Variants in THSD4 observed in about 807,000 individuals in gnomAD.
THSD4 encodes the protein thrombospondin type 1 domain containing 4, also known as thrombospondin type-1 domain-containing protein 4.
Under a neutral mutation model 119.0 loss-of-function variants are expected in THSD4, and 69 were observed. The ratio of observed to expected loss-of-function variants is 0.58; its 90% CI spans 0.48 to 0.71. The LOEUF (loss-of-function observed/expected upper bound fraction) is 0.71, where lower values mean the gene tolerates loss of function less well. Ranked by LOEUF, THSD4 falls within the 30% of genes least tolerant of loss-of-function variation. THSD4 has a pLI of 0.00. For synonymous variants in THSD4, 524 were observed against 540.4 expected (o/e 0.97, Z 0.42); for missense variants, 1,393 against 1,391.1 (o/e 1.00, Z -0.02).
At chr15:71,364,894 A>C (rs1362804259) in intron 6 of THSD4, among the ~76,000 whole-genome samples, 1 of 152,136 alleles carries the variant, frequency 6.6e-6, no homozygotes, top group Non-Finnish European at 1.5e-5. Flanking sequence ...CATGTGAATT[A>C]ATGGTTTTTT....
intron 6 of THSD4, among the ~76,000 whole-genome samples, chr15:71,291,064 C>G (rs2044785635): frequency 6.6e-6 from 1 of 151,946 alleles, no homozygotes; most frequent in African/African-American, 2.4e-5. Context: ...TAGGATATTC[C>G]TTCTTGACTT....
At chr15:71,350,847 G>A (rs1222847404) in intron 6 of THSD4, among the ~76,000 whole-genome samples, 2 of 152,132 alleles carry the variant, frequency 1.3e-5, no homozygotes, top group East Asian at 1.9e-4. Flanking sequence ...GGCAAACCAC[G>A]TGGCCACACT....
Position 71,360,922 on chromosome 15 carries a change from C to T in THSD4, c.1016-50765C>T, listed in dbSNP as rs1159207312. Reference sequence around the variant, plus strand: ...TTTTAATGGAAGTTTGCATATGATCCCATTGAAGCATAGTAGAGAGGTATA... The same window carrying T: ...TTTTAATGGAAGTTTGCATATGATCTCATTGAAGCATAGTAGAGAGGTATA... On this transcript the variant is annotated intron_variant, in intron 6 of 17. Transcript: ENST00000261862. 5.3e-5 allele frequency among the ~76,000 whole-genome samples: 8 copies of T among 152,070 alleles called. No individual in the cohort carries two copies. In the East Asian group the frequency reaches 1.5e-3, roughly 29 times the overall value.
chr15:71,379,761 A>G (rs144048705), intron 6 of THSD4, among the ~76,000 whole-genome samples: 5 of 151,946 alleles, frequency 3.3e-5, no homozygotes, highest in Admixed American at 6.6e-5. Flanking sequence ...CCCGGCCACA[A>G]ATGGCTTCTT....
At chr15:71,464,605 G>T (rs2047474569) in intron 7 of THSD4, among the ~76,000 whole-genome samples, 1 of 152,146 alleles carries the variant, frequency 6.6e-6, no homozygotes, top group Non-Finnish European at 1.5e-5. Context: ...TAGGGCTTTG[G>T]TACTTTTACC....
intron 6 of THSD4, among the ~76,000 whole-genome samples, chr15:71,393,623 G>A (rs2046405904): frequency 1.3e-5 from 2 of 152,060 alleles, no homozygotes; most frequent in South Asian, 4.1e-4. Flanking sequence ...TGTTTTGAAA[G>A]CTCCTGGGTG....
Position 71,129,469 on chromosome 15 carries a change from A to G in THSD4, c.-79-11980A>G, listed in dbSNP as rs543303327. Among the ~76,000 whole-genome samples, 277 of 152,344 alleles carry G rather than the reference A, an allele frequency of 1.8e-3. 1 individual carries two copies. The highest frequency in any genetic ancestry group is 3.7e-3 in the South Asian group (18 of 4,830). On this transcript the variant is annotated intron_variant, in intron 1 of 17. Transcript: ENST00000261862. ...TCGTAGCCATTGATGACAAAGTTCA[A>G]GAAAAAGGGGGATAGTGACAGCCTA...
intron 8 of THSD4, among the ~76,000 whole-genome samples, chr15:71,719,412 A>G (rs376266790): frequency 6.6e-6 from 1 of 152,246 alleles, no homozygotes; most frequent in East Asian, 1.9e-4. Flanking sequence ...TAATTTGGAC[A>G]TTACATCAAA....
chr15:71,255,510 T>C (rs1365712318), intron 5 of THSD4, among the ~76,000 whole-genome samples: 1 of 152,242 alleles, frequency 6.6e-6, no homozygotes, highest in African/African-American at 2.4e-5. Flanking sequence ...CTGGATCTTA[T>C]CCCAGATTTA....
At chr15:71,603,672 G>A (rs919572643) in intron 7 of THSD4, among the ~76,000 whole-genome samples, 2 of 51,982 alleles carry the variant, frequency 3.8e-5, no homozygotes, top group Non-Finnish European at 8.3e-5. Context: ...TGAAGCTGGT[G>A]GGCTGTGACA....
intron 6 of THSD4, among the ~76,000 whole-genome samples, chr15:71,303,930 A>G (rs1192478313): frequency 1.3e-5 from 2 of 152,164 alleles, no homozygotes; most frequent in East Asian, 3.9e-4. Context: ...CCTAGCCCAA[A>G]GCAGGCCTCT....
At chr15:71,265,427 T>A (rs918311209) in intron 6 of THSD4, among the ~76,000 whole-genome samples, 1 of 152,146 alleles carries the variant, frequency 6.6e-6, no homozygotes, top group Non-Finnish European at 1.5e-5. Flanking sequence ...CTAGCCCAGA[T>A]ACTACGCTTT....
At chr15:71,246,690 T>C (rs2044203989) in intron 5 of THSD4, among the ~76,000 whole-genome samples, 1 of 152,192 alleles carries the variant, frequency 6.6e-6, no homozygotes, top group Admixed American at 6.5e-5. Context: ...ATGTAAGATT[T>C]CTGAATGTAG....
intron 11 of THSD4, 196 bp downstream of exon 11, chr15:71,738,203 T>TA: frequency 1.5e-6 from 1 of 686,068 alleles, no homozygotes; most frequent in Middle Eastern, 4.0e-4. Context: ...CAGGCATTAG[T>TA]TAGAGTCTCA....
chr15:71,584,213 C>T (rs949330857), intron 7 of THSD4, among the ~76,000 whole-genome samples: 2 of 149,814 alleles, frequency 1.3e-5, no homozygotes, highest in Non-Finnish European at 3.0e-5. Context: ...AGTATAGTCA[C>T]CTCTACTCTT....
At chr15:71,148,170 G>A (rs1226461540) in intron 2 of THSD4, among the ~76,000 whole-genome samples, 1 of 152,176 alleles carries the variant, frequency 6.6e-6, no homozygotes, top group African/African-American at 2.4e-5. Flanking sequence ...AGCCAGGCAG[G>A]CCTTTTCCCG....
chr15:71,687,586 C>T (rs1393003861), intron 8 of THSD4, among the ~76,000 whole-genome samples: 1 of 152,030 alleles, frequency 6.6e-6, no homozygotes, highest in East Asian at 1.9e-4. Flanking sequence ...GAAACCCTGT[C>T]TCTACTAAAA....
At chr15:71,147,655 C>T (rs775011201) in intron 2 of THSD4, 14 of 152,126 alleles carry the variant, frequency 9.2e-5, no homozygotes, top group Admixed American at 2.0e-4. Context: ...TTTACCAAAG[C>T]GTGTTGTGTC....
chr15:71,287,564 C>G (rs374689102), intron 6 of THSD4, among the ~76,000 whole-genome samples: 1 of 152,106 alleles, frequency 6.6e-6, no homozygotes, highest in Non-Finnish European at 1.5e-5. Flanking sequence ...GTGAAGAGAA[C>G]GAGGGATATG....
Sources: allele counts gnomAD v4.1 joint callset (sites outside exome capture counted in the v4.1 genomes callset), GRCh38; gene constraint gnomAD v4.1.1; transcripts MANE v1.5; gene names NCBI Gene and HGNC (gene_info 2026-07-23, HGNC 2026-07-21).